STK31: variants seen among roughly 807,000 people sequenced by gnomAD.
STK31 encodes the protein serine/threonine-protein kinase 31.
STK31 carries 89 observed loss-of-function variants against 129.7 expected under a neutral mutation model. The ratio of observed to expected loss-of-function variants is 0.69; its 90% confidence interval spans 0.58 to 0.82. STK31 has a LOEUF of 0.82. Ranked by LOEUF, STK31 falls within the 40% of genes least tolerant of loss-of-function variation. STK31 has a pLI of 0.00. For synonymous variants in STK31, 448 were observed against 395.3 expected (o/e 1.13, Z -1.58); for missense variants, 1,187 against 1,176.4 (o/e 1.01, Z -0.13).
chr7:23,715,949 T>C (rs570325239), intron 3 of STK31, among the ~76,000 whole-genome samples: 156 of 152,316 alleles, frequency 1.0e-3, no homozygotes, highest in Non-Finnish European at 1.9e-3. Context: ...CTCTGTATAC[T>C]CTTCACCCAG....
intron 8 of STK31, among the ~76,000 whole-genome samples, chr7:23,738,497 C>G (rs1216005434): frequency 6.6e-6 from 1 of 152,216 alleles, no homozygotes; most frequent in African/African-American, 2.4e-5. Flanking sequence ...AAGCAATCCA[C>G]TCACTTCAGT....
chr7:23,775,133 T>A (rs1790457353), intron 15 of STK31, among the ~76,000 whole-genome samples: 2 of 152,154 alleles, frequency 1.3e-5, no homozygotes, highest in South Asian at 4.1e-4. Flanking sequence ...AAAGATCAGA[T>A]GGTTGTAGAT....
At chr7:23,810,438 CTGGTTTTGTTTGTTT>C in intron 22 of STK31, among the ~76,000 whole-genome samples, 1 of 144,754 alleles carries the variant, frequency 6.9e-6, no homozygotes, top group Non-Finnish European at 1.5e-5. Context: ...CATTGTATTA[CTGGTTTTGTTTGTTT>C]CTTGTTTCTT....
At chr7:23,779,300 G>T (rs769623323) in intron 15 of STK31, among the ~76,000 whole-genome samples, 2 of 152,196 alleles carry the variant, frequency 1.3e-5, no homozygotes, top group African/African-American at 2.4e-5. Flanking sequence ...GTGTCTTCCA[G>T]TCAGGAGGAT....
chr7:23,750,112 G>A (rs1369278721), intron 8 of STK31, among the ~76,000 whole-genome samples: 1 of 140,808 alleles, frequency 7.1e-6, no homozygotes. Flanking sequence ...TTACTGCGAT[G>A]ATATGTATGA....
rs143681013 is a variant in STK31, at chr7:23,789,034, C to G, written c.2637+905C>G. On this transcript the variant is annotated intron_variant, in intron 21 of 23. Coordinates refer to ENST00000355870, the MANE Select transcript of STK31 (RefSeq NM_031414.5). ...TCTATGGATTTGCCTATTTGGACATCTCATGTAAATGGAATGATACAATAT... is the reference window on the plus strand; with the variant it reads ...TCTATGGATTTGCCTATTTGGACATGTCATGTAAATGGAATGATACAATAT... Among the ~76,000 whole-genome samples the G allele has an allele frequency of 3.7e-3, 570 of 152,226 alleles. 8 individuals carry two copies. Among genetic ancestry groups the G allele is most frequent in the African/African-American group, 0.013 (554 of 41,548 alleles).
At position 23,752,713 on chromosome 7, in the gene STK31, T is replaced by A. The variant is rs1318972177; in HGVS notation, c.1018-4T>A. 4 of 1,599,698 alleles carry A rather than the reference T, an allele frequency of 2.5e-6. No individual in the cohort carries two copies. Among genetic ancestry groups the A allele is most frequent in the East Asian group, 2.2e-5 (1 of 44,788 alleles). On this transcript the variant is annotated splice_polypyrimidine_tract_variant and splice_region_variant and intron_variant, in intron 8 of 23. Coordinates refer to ENST00000355870, the MANE Select transcript of STK31 (RefSeq NM_031414.5). ...CACGAGAATGTGTTTATTCTTTGTT[T>A]CAGCAAGAGAAGGCAGCTGCTGTGG... is the stretch of plus-strand genomic sequence containing the variant.
At chr7:23,817,668 A>G (rs7777396) in intron 23 of STK31, among the ~76,000 whole-genome samples, 14,967 of 152,286 alleles carry the variant, frequency 0.098, 1,049 homozygotes, top group African/African-American at 0.2. Flanking sequence ...AATCCCTCCA[A>G]TAATATCCCC....
At chr7:23,763,034 T>G in intron 11 of STK31, 111 bp downstream of exon 11, 1 of 891,298 alleles carries the variant, frequency 1.1e-6, no homozygotes, top group Non-Finnish European at 1.6e-6. Context: ...GCAAAAGTTT[T>G]TCCTGTTTCC....
At chr7:23,758,427 AT>A (rs535510973) in intron 10 of STK31, among the ~76,000 whole-genome samples, 2 of 149,350 alleles carry the variant, frequency 1.3e-5, no homozygotes, top group African/African-American at 2.5e-5. Flanking sequence ...AGATTCATTG[AT>A]TTTTTTTTGG....
chr7:23,722,058 G>A (rs942254354), intron 4 of STK31: 3 of 164,724 alleles, frequency 1.8e-5, no homozygotes, highest in East Asian at 1.8e-4. Context: ...ATTACCAATC[G>A]TCTGAAGCCT....
chr7:23,815,265 C>T (rs1793402673), intron 23 of STK31, 53 bp downstream of exon 23: 3 of 1,196,236 alleles, frequency 2.5e-6, no homozygotes, highest in Non-Finnish European at 3.5e-6. Flanking sequence ...GTAATATAAA[C>T]TTAGATATCT....
intron 23 of STK31, among the ~76,000 whole-genome samples, chr7:23,821,758 T>G (rs1201541011): frequency 6.6e-6 from 1 of 152,176 alleles, no homozygotes; most frequent in African/African-American, 2.4e-5. Flanking sequence ...TTCCCTTATG[T>G]TTTCTTCTAG....
intron 4 of STK31, chr7:23,721,241 C>T (rs1042011412): frequency 9.1e-5 from 43 of 470,154 alleles, no homozygotes; most frequent in Non-Finnish European, 1.1e-4. Context: ...TCTCTTAACT[C>T]CTAACAAACG....
intron 3 of STK31, among the ~76,000 whole-genome samples, 162 bp downstream of exon 3, chr7:23,712,448 C>G (rs1786031560): frequency 6.6e-6 from 1 of 152,096 alleles, no homozygotes; most frequent in African/African-American, 2.4e-5. Flanking sequence ...CAAATGTTGA[C>G]AGCTGTGATG....
intron 14 of STK31, chr7:23,771,797 T>C (rs1790212410): frequency 6.4e-6 from 1 of 156,944 alleles, no homozygotes; most frequent in Admixed American, 6.5e-5. Flanking sequence ...TAATTAAAAC[T>C]TGATACATAT....
intron 15 of STK31, among the ~76,000 whole-genome samples, chr7:23,778,431 T>C (rs982364319): frequency 4.6e-5 from 7 of 152,208 alleles, no homozygotes; most frequent in Non-Finnish European, 8.8e-5. Flanking sequence ...TTAAGTGTGT[T>C]TTCCAACTTG....
At chr7:23,804,561 C>T (rs1026353120) in intron 22 of STK31, among the ~76,000 whole-genome samples, 1 of 152,132 alleles carries the variant, frequency 6.6e-6, no homozygotes, top group African/African-American at 2.4e-5. Context: ...GCCCCATGTA[C>T]ATCATTTTAT....
At chr7:23,762,734 TC>T in intron 10 of STK31, 66 bp from the exon 11 acceptor site, 2 of 1,556,776 alleles carry the variant, frequency 1.3e-6, no homozygotes, top group Non-Finnish European at 1.7e-6. Flanking sequence ...TCACTTTTTT[TC>T]ATATAGGTCA....
Sources: gnomAD v4.1 joint callset for allele counts (sites outside exome capture counted in the v4.1 genomes callset) on GRCh38, gnomAD v4.1.1 for gene constraint, MANE v1.5 for transcripts, NCBI Gene and HGNC (gene_info 2026-07-23, HGNC 2026-07-21) for gene names.